HHIPL2: variants seen among roughly 807,000 people sequenced by gnomAD.
HHIPL2 encodes HHIP like 2, also known as HHIP-like protein 2.
HHIPL2 carries 61 observed loss-of-function variants against 61.0 expected under a neutral mutation model. The observed-to-expected ratio is 1.00, with a 90% CI of 0.81 to 1.24. HHIPL2 has a LOEUF of 1.24. HHIPL2 is among the 50% of genes most tolerant of loss of function. The probability of loss-of-function intolerance (pLI) is 0.00; values close to 1 mark genes in which losing one functional copy is unlikely to be tolerated. For missense variants in HHIPL2, 885 were observed against 910.2 expected, an observed-to-expected ratio of 0.97 and a Z score of 0.36; for synonymous variants, 343 against 357.4, an observed-to-expected ratio of 0.96 and a Z score of 0.45.
chr1:222,538,427 G>T (rs1025890718), intron 5 of HHIPL2, among the ~76,000 whole-genome samples: 10 of 150,474 alleles, frequency 6.6e-5, no homozygotes, highest in East Asian at 3.9e-4. Flanking sequence ...GAGAGACAGA[G>T]AGAGAGAGAG....
chr1:222,532,398 A>C (rs1659211690), intron 5 of HHIPL2, among the ~76,000 whole-genome samples: 1 of 152,176 alleles, frequency 6.6e-6, no homozygotes, highest in Admixed American at 6.5e-5. Flanking sequence ...AGATCACTTG[A>C]GGTCAGGAGT....
intron 5 of HHIPL2, among the ~76,000 whole-genome samples, chr1:222,534,121 T>C (rs4846378): frequency 0.46 from 70,207 of 152,012 alleles, 17,099 homozygotes; most frequent in East Asian, 0.66. Context: ...TGGATCTGTT[T>C]AGCAAATATT....
At chr1:222,544,235 C>A in intron 1 of HHIPL2, 46 bp from the exon 2 acceptor site, 3 of 1,554,278 alleles carry the variant, frequency 1.9e-6, no homozygotes, top group Non-Finnish European at 2.6e-6. Context: ...ACCTGCCACA[C>A]CGGCACTTGT....
In HHIPL2 at chr1:222,543,841, G is replaced by C. The variant is rs563140835; in HGVS notation, c.670C>G (p.His224Asp). Residue 224 changes from histidine to aspartate, a missense_variant, in exon 2 of 9, where the codon CAT becomes GAT. His to Asp is a moderately conservative substitution (Grantham distance 81, BLOSUM62 -1). Coordinates refer to ENST00000343410, the MANE Select transcript of HHIPL2 (RefSeq NM_024746.4). ...NGLRNPVSMV[H>D]AGDGTHRFFV... ...AAGCGATGGGTGCCGTCCCCAGCAT[G>C]GACCATGGAGACGGGGTTCCTCAGC... is the stretch of plus-strand genomic sequence containing the variant. 6.2e-7 allele frequency: 1 copy of C among 1,614,178 alleles called. No individual in the cohort carries two copies. The highest frequency in any genetic ancestry group is 1.1e-5 in the South Asian group (1 of 91,076).
intron 6 of HHIPL2, among the ~76,000 whole-genome samples, chr1:222,530,770 T>C (rs1335086249): frequency 6.6e-6 from 1 of 152,114 alleles, no homozygotes; most frequent in Non-Finnish European, 1.5e-5. Context: ...TTGTGTTTTT[T>C]GATTTGTTTT....
chr1:222,536,390 G>A lies in HHIPL2; in HGVS notation c.1577+2258C>T, dbSNP rs75662734. 6.3e-3 allele frequency among the ~76,000 whole-genome samples: 958 copies of A among 152,158 alleles called. 9 individuals are homozygous for A. The highest frequency in any genetic ancestry group is 0.022 in the African/African-American group (905 of 41,514). On this transcript the variant is annotated intron_variant, in intron 5 of 8. Transcript: ENST00000343410. ...ACTGAATGCCAAAACATTTGACAAC[G>A]TAGACAAACTGGAAAAATTCCTTGA... is the stretch of plus-strand genomic sequence containing the variant.
At chr1:222,528,896 C>T (rs969870915) in intron 6 of HHIPL2, among the ~76,000 whole-genome samples, 12 of 149,028 alleles carry the variant, frequency 8.1e-5, no homozygotes, top group Non-Finnish European at 1.8e-4. Context: ...TCACAGCTCA[C>T]TGTAGCCTCA....
At position 222,539,051 on chromosome 1, in the gene HHIPL2, T is replaced by C. The variant is rs1047488610; in HGVS notation, c.1451-277A>G. On this transcript the variant is annotated intron_variant, in intron 4 of 8. Coordinates refer to ENST00000343410, the MANE Select transcript of HHIPL2 (RefSeq NM_024746.4). The stretch of plus-strand genomic sequence containing the variant: ...GCAGTGACCTGGAAATCCACATGGC[T>C]AAGTTTTCCCCCTAGGTTGATATGG... The C allele has an allele frequency of 7.2e-6, 3 of 414,032 alleles. No individual in the cohort carries two copies. In the East Asian group the frequency reaches 1.3e-4, roughly 18 times the overall value. 25.6% of individuals were successfully genotyped at this position (414,032 alleles called of 1,614,324 possible).
At position 222,532,058 on chromosome 1, in the gene HHIPL2, T is replaced by C. The variant is rs1659203542; in HGVS notation, c.1631A>G (p.Asp544Gly). 6.2e-7 allele frequency: 1 copy of C among 1,613,824 alleles called. No individual in the cohort carries two copies. The highest frequency in any genetic ancestry group is 8.5e-7 in the Non-Finnish European group (1 of 1,179,750). Residue 544 changes from aspartate to glycine, a missense_variant, in exon 6 of 9, where the codon GAT becomes GGT. Coordinates refer to ENST00000343410, the MANE Select transcript of HHIPL2 (RefSeq NM_024746.4). ...DRKNKKWKKQ[D>G]LCLGSTTSCA... ...GGACGTGGTGCTGCCCAGGCAAAGA[T>C]CCTGCTTCTTCCATTTCTTGTTTTT...
intron 4 of HHIPL2, among the ~76,000 whole-genome samples, chr1:222,539,566 A>T (rs1000937680): frequency 6.6e-6 from 1 of 151,780 alleles, no homozygotes; most frequent in African/African-American, 2.4e-5. Context: ...AAGAAAAGAA[A>T]AAAAAAGAAA....
In HHIPL2 at chr1:222,540,063, G is replaced by GCT. The variant is rs1282014668; in HGVS notation, c.1395_1396dup (p.Ala466GlufsTer60). 6.2e-7 allele frequency: 1 copy of GCT among 1,614,198 alleles called. No individual in the cohort carries two copies. The highest frequency in any genetic ancestry group is 1.7e-5 in the Admixed American group (1 of 60,020). ...GTCATAACATGCAAACCCTTCCTTT[G>GCT]CTCTCCAGCCATAGTTTCCACCTTT... On this transcript the variant is annotated frameshift_variant, in exon 4 of 9. Transcript: ENST00000343410. LOFTEE classifies it high-confidence loss of function.
chr1:222,532,773 T>C (rs1017990533), intron 5 of HHIPL2, among the ~76,000 whole-genome samples: 3 of 152,172 alleles, frequency 2.0e-5, no homozygotes, highest in Admixed American at 1.3e-4. Flanking sequence ...TACTTTACCA[T>C]AGGTGAGAAT....
Position 222,523,603 on chromosome 1 carries a change from T to C in HHIPL2, c.1888+9A>G. ...AAGGCCTGAGCCTAAGACTCAAAGATGGACTCACTGGCGAGTGGTCTGAAC... is the reference window on the plus strand; with the variant it reads ...AAGGCCTGAGCCTAAGACTCAAAGACGGACTCACTGGCGAGTGGTCTGAAC... On this transcript the variant is annotated intron_variant, in intron 8 of 8. Transcript: ENST00000343410. The C allele has an allele frequency of 6.2e-7, 1 of 1,613,840 alleles. No individual in the cohort carries two copies. The highest frequency in any genetic ancestry group is 1.1e-5 in the South Asian group (1 of 91,076).
intron 7 of HHIPL2, among the ~76,000 whole-genome samples, chr1:222,524,526 T>C (rs1311812933): frequency 6.6e-6 from 1 of 152,236 alleles, no homozygotes; most frequent in African/African-American, 2.4e-5. Context: ...GTACTATTAT[T>C]ATACTCATTT....
chr1:222,529,028 C>G (rs1386209440), intron 6 of HHIPL2, among the ~76,000 whole-genome samples: 1 of 151,936 alleles, frequency 6.6e-6, no homozygotes, highest in Non-Finnish European at 1.5e-5. Context: ...CCCTATGTTG[C>G]TCAGGCTGGT....
chr1:222,539,949 T>C (rs556243254), intron 4 of HHIPL2, 61 bp downstream of exon 4: 76 of 1,393,776 alleles, frequency 5.5e-5, no homozygotes, highest in Middle Eastern at 1.8e-4. Flanking sequence ...TTTTATTCCC[T>C]ACCTCCACCT....
chr1:222,539,527 T>TAAAAA (rs10537670), intron 4 of HHIPL2, among the ~76,000 whole-genome samples: 11 of 85,130 alleles, frequency 1.3e-4, no homozygotes, highest in Admixed American at 1.3e-4. Context: ...AGACTCTGTC[T>TAAAAA]AAAAAAAAAA....
rs1363522230 is a variant in HHIPL2, at chr1:222,544,202, G to A, written c.322-13C>T. 2.5e-6 allele frequency: 4 copies of A among 1,601,706 alleles called. No homozygotes were observed. In the African/African-American group the frequency reaches 4.0e-5, roughly 16 times the overall value. On this transcript the variant is annotated splice_polypyrimidine_tract_variant and intron_variant, in intron 1 of 8. Transcript: ENST00000343410. ...AGGGCGAGCACTCCTAAAAAAGAACGCGGAGCTCAGGCTCAGCATCAGACC... is the reference window on the plus strand; with the variant it reads ...AGGGCGAGCACTCCTAAAAAAGAACACGGAGCTCAGGCTCAGCATCAGACC...
chr1:222,538,722 A>G lies in HHIPL2; in HGVS notation c.1503T>C (p.Thr501=). The change falls in exon 5 of 9, where the codon ACT becomes ACC. Residue 501 remains threonine (T), a synonymous_variant. Coordinates refer to ENST00000343410, the MANE Select transcript of HHIPL2 (RefSeq NM_024746.4). The part of the protein sequence containing the change: ...AYGHAVGKSV[T]GGYVYRGCES... ...CACAACCACGATAGACATAACCTCCAGTGACTGACTTCCCCACTGCATGGC... is the reference window on the plus strand; with the variant it reads ...CACAACCACGATAGACATAACCTCCGGTGACTGACTTCCCCACTGCATGGC... 6.2e-7 allele frequency: 1 copy of G among 1,613,984 alleles called. No homozygotes were observed.
Sources: allele counts gnomAD v4.1 joint callset (sites outside exome capture counted in the v4.1 genomes callset), GRCh38; gene constraint gnomAD v4.1.1; transcripts MANE v1.5; gene names NCBI Gene and HGNC (gene_info 2026-07-23, HGNC 2026-07-21).